The following CNTN5 variants were observed in gnomAD, a reference collection of about 807,000 sequenced individuals.
CNTN5 encodes contactin 5, also known as contactin-5.
Under a neutral mutation model 129.1 loss-of-function variants are expected in CNTN5, and 77 were observed. That is an observed-to-expected ratio of 0.60 (90% CI 0.50 to 0.72). CNTN5 has a LOEUF of 0.72. CNTN5 is among the 30% of genes least tolerant of loss of function. CNTN5 has a pLI of 0.00. For missense variants in CNTN5, 1,478 were observed against 1,328.8 expected (o/e 1.11, Z -1.75); for synonymous variants, 509 against 465.6 (o/e 1.09, Z -1.20).
chr11:99,137,802 A>T (rs59439241), intron 1 of CNTN5, among the ~76,000 whole-genome samples: 2,967 of 138,718 alleles, frequency 0.021, 96 homozygotes, highest in African/African-American at 0.077. Flanking sequence ...TCATAAGTAT[A>T]CATCAATCTG....
chr11:100,312,769 C>T (rs934615442), intron 21 of CNTN5, among the ~76,000 whole-genome samples: 2 of 152,006 alleles, frequency 1.3e-5, no homozygotes, highest in Non-Finnish European at 2.9e-5. Flanking sequence ...CAAGCTACTA[C>T]AAAAGCATTA....
intron 3 of CNTN5, among the ~76,000 whole-genome samples, chr11:99,789,254 C>A (rs566001852): frequency 6.6e-6 from 1 of 151,996 alleles, no homozygotes; most frequent in African/African-American, 2.4e-5. Flanking sequence ...CTCAAAAATT[C>A]ATACATATTT....
At chr11:99,361,652 T>G (rs1036730196) in intron 2 of CNTN5, among the ~76,000 whole-genome samples, 1 of 152,110 alleles carries the variant, frequency 6.6e-6, no homozygotes, top group Non-Finnish European at 1.5e-5. Context: ...AATTTCTTTT[T>G]CCCCCAACAT....
At chr11:99,543,219 T>G (rs1948172181) in intron 2 of CNTN5, among the ~76,000 whole-genome samples, 1 of 152,212 alleles carries the variant, frequency 6.6e-6, no homozygotes, top group Admixed American at 6.5e-5. Context: ...ATAAAGCTCT[T>G]GGACTTCAGA....
At chr11:99,911,548 A>G (rs533822349) in intron 6 of CNTN5, among the ~76,000 whole-genome samples, 4 of 152,032 alleles carry the variant, frequency 2.6e-5, no homozygotes, top group Non-Finnish European at 4.4e-5. Context: ...TATATTTAAC[A>G]TACGTAAGAT....
intron 6 of CNTN5, among the ~76,000 whole-genome samples, chr11:99,884,501 G>T (rs1454100459): frequency 6.6e-6 from 1 of 152,094 alleles, no homozygotes; most frequent in East Asian, 1.9e-4. Context: ...GAAGAGAACG[G>T]AAATAATAGT....
intron 7 of CNTN5, among the ~76,000 whole-genome samples, chr11:99,935,039 C>T (rs1218819092): frequency 2.0e-5 from 3 of 149,362 alleles, no homozygotes; most frequent in South Asian, 2.1e-4. Flanking sequence ...AATGGAAATA[C>T]ATCTCCAGCA....
At chr11:100,212,994 C>G (rs1301631564) in intron 15 of CNTN5, among the ~76,000 whole-genome samples, 1 of 152,012 alleles carries the variant, frequency 6.6e-6, no homozygotes, top group Non-Finnish European at 1.5e-5. Flanking sequence ...AAATTCAAGT[C>G]AGAATTATTC....
intron 2 of CNTN5, among the ~76,000 whole-genome samples, chr11:99,552,576 G>A (rs1948528705): frequency 6.6e-6 from 1 of 152,140 alleles, no homozygotes; most frequent in Non-Finnish European, 1.5e-5. Context: ...AGTCTGCAAT[G>A]ATTTAAAACT....
At chr11:99,159,246 T>C (rs1212506085) in intron 1 of CNTN5, among the ~76,000 whole-genome samples, 1 of 152,212 alleles carries the variant, frequency 6.6e-6, no homozygotes, top group African/African-American at 2.4e-5. Context: ...ATATATCTAA[T>C]TTTTGGTAGA....
intron 13 of CNTN5, among the ~76,000 whole-genome samples, chr11:100,121,300 A>G (rs1205780979): frequency 6.6e-6 from 1 of 152,122 alleles, no homozygotes; most frequent in Non-Finnish European, 1.5e-5. Flanking sequence ...GGATCCATAA[A>G]GTAGACAATG....
chr11:99,301,102 C>T (rs1350107551), intron 1 of CNTN5, among the ~76,000 whole-genome samples: 1 of 151,482 alleles, frequency 6.6e-6, no homozygotes, highest in Non-Finnish European at 1.5e-5. Context: ...CACTATTAAA[C>T]TAACTCAAAA....
intron 12 of CNTN5, among the ~76,000 whole-genome samples, chr11:100,072,157 G>T (rs1346729995): frequency 6.6e-6 from 1 of 152,224 alleles, no homozygotes; most frequent in East Asian, 1.9e-4. Flanking sequence ...TGCCTTGAGG[G>T]TAGGAGATCA....
chr11:99,474,896 G>A (rs570952334), intron 2 of CNTN5, among the ~76,000 whole-genome samples: 2 of 152,206 alleles, frequency 1.3e-5, no homozygotes, highest in South Asian at 4.1e-4. Context: ...ATTTCTAGTA[G>A]TTTTTTCTCT....
At chr11:99,667,837 A>T (rs1952858137) in intron 3 of CNTN5, among the ~76,000 whole-genome samples, 1 of 152,114 alleles carries the variant, frequency 6.6e-6, no homozygotes, top group African/African-American at 2.4e-5. Context: ...ATGGGTCAAT[A>T]GGTGTAGCAA....
At chr11:99,092,082 G>C (rs1301012908) in intron 1 of CNTN5, among the ~76,000 whole-genome samples, 1 of 152,116 alleles carries the variant, frequency 6.6e-6, no homozygotes, top group African/African-American at 2.4e-5. Context: ...CAATACATGA[G>C]AAAGAAAGAA....
intron 1 of CNTN5, among the ~76,000 whole-genome samples, chr11:99,055,341 A>C (rs1190765573): frequency 6.6e-6 from 1 of 152,064 alleles, no homozygotes; most frequent in Non-Finnish European, 1.5e-5. Context: ...TGCCTGACTA[A>C]TTTAAGATAT....
At chr11:99,978,535 A>C (rs1276980406) in intron 8 of CNTN5, among the ~76,000 whole-genome samples, 3 of 152,186 alleles carry the variant, frequency 2.0e-5, no homozygotes, top group Non-Finnish European at 2.9e-5. Flanking sequence ...ATCATATTTT[A>C]TCATACCTTT....
chr11:99,034,504 G>C (rs1486557337), intron 1 of CNTN5, among the ~76,000 whole-genome samples: 2 of 151,574 alleles, frequency 1.3e-5, no homozygotes, highest in Admixed American at 1.3e-4. Flanking sequence ...TTGGGAGAGT[G>C]TATGTGTCGA....
Sources: gnomAD v4.1 joint callset for allele counts (sites outside exome capture counted in the v4.1 genomes callset) on GRCh38, gnomAD v4.1.1 for gene constraint, MANE v1.5 for transcripts, NCBI Gene and HGNC (gene_info 2026-07-23, HGNC 2026-07-21) for gene names.